The following UGGT2 variants were observed in gnomAD, a reference collection of about 807,000 sequenced individuals.
UGGT2 encodes UDP-glucose glycoprotein glucosyltransferase 2.
Under a neutral mutation model 192.1 loss-of-function variants are expected in UGGT2, and 180 were observed. The observed-to-expected ratio is 0.94, with a 90% CI of 0.83 to 1.06. The LOEUF (loss-of-function observed/expected upper bound fraction) is 1.06, where lower values mean the gene tolerates loss of function less well. Among genes scored for constraint, UGGT2 ranks in the 50% least tolerant of loss-of-function variants. The pLI, the probability that UGGT2 is intolerant of heterozygous loss-of-function variation, is 0.00. For synonymous variants in UGGT2, 580 were observed against 591.0 expected (o/e 0.98, Z 0.27); for missense variants, 1,849 against 1,795.7 (o/e 1.03, Z -0.54).
intron 1 of UGGT2, among the ~76,000 whole-genome samples, chr13:96,046,899 A>G (rs1437470711): frequency 6.6e-6 from 1 of 152,172 alleles, no homozygotes; most frequent in African/African-American, 2.4e-5. Context: ...ATCCAACCGC[A>G]AGGCAGCAGT....
intron 4 of UGGT2, among the ~76,000 whole-genome samples, chr13:96,022,137 G>C (rs904776514): frequency 3.3e-5 from 5 of 151,908 alleles, no homozygotes; most frequent in African/African-American, 1.2e-4. Context: ...GCAGAACAAA[G>C]AGCTATGAAA....
chr13:96,049,854 T>C (rs939943025), intron 1 of UGGT2, among the ~76,000 whole-genome samples: 1 of 152,158 alleles, frequency 6.6e-6, no homozygotes, highest in Non-Finnish European at 1.5e-5. Context: ...GGAAGAATAT[T>C]CCATGCTCAT....
chr13:96,039,412 G>C (rs1203265535), intron 1 of UGGT2, among the ~76,000 whole-genome samples: 1 of 152,050 alleles, frequency 6.6e-6, no homozygotes, highest in East Asian at 1.9e-4. Flanking sequence ...GATCCTTCCT[G>C]GATATCCCCA....
chr13:96,030,630 T>C (rs944671219), intron 2 of UGGT2, among the ~76,000 whole-genome samples: 5 of 152,182 alleles, frequency 3.3e-5, no homozygotes, highest in African/African-American at 1.2e-4. Flanking sequence ...ATCTTACATT[T>C]ACACTCAGGA....
intron 27 of UGGT2, 131 bp from the exon 28 acceptor site, chr13:95,877,987 C>T (rs756079022): frequency 3.1e-4 from 271 of 883,726 alleles, no homozygotes; most frequent in Non-Finnish European, 3.7e-4. Context: ...CTTTATTTTA[C>T]ACATGAGTGA....
At position 95,895,214 on chromosome 13, in the gene UGGT2, C is replaced by T; in HGVS notation, c.2725G>A (p.Gly909Ser). Residue 909 changes from glycine to serine, a missense_variant, in exon 23 of 39, where the codon GGC becomes AGC. Transcript: ENST00000376747. ...TTGATTCCCATATTTTCAACAATGC[C>T]TTTAATTTTCTCTCCTAAATTACTA... ...TFSNLGEKIK[G>S]IVENMGINAN... The T allele has an allele frequency of 6.3e-7, 1 of 1,584,746 alleles. No individual in the cohort carries two copies. The highest frequency in any genetic ancestry group is 1.2e-5 in the South Asian group (1 of 85,382).
chr13:95,919,245 C>T (rs1320936622), intron 20 of UGGT2, among the ~76,000 whole-genome samples: 1 of 152,086 alleles, frequency 6.6e-6, no homozygotes. Context: ...ATATGACAAA[C>T]TCACAGCCAA....
chr13:96,024,567 T>C (rs2052608951), intron 2 of UGGT2, among the ~76,000 whole-genome samples: 2 of 152,148 alleles, frequency 1.3e-5, no homozygotes, highest in South Asian at 4.1e-4. Flanking sequence ...AAAACTGTAA[T>C]GTCATTCCAG....
chr13:95,872,125 T>C (rs953302879), intron 29 of UGGT2, among the ~76,000 whole-genome samples: 3 of 152,244 alleles, frequency 2.0e-5, no homozygotes, highest in Non-Finnish European at 4.4e-5. Flanking sequence ...AAGTATCTAA[T>C]ATTCTCTACA....
chr13:96,050,815 TAAA>T (rs889191614), intron 1 of UGGT2, among the ~76,000 whole-genome samples: 1 of 152,210 alleles, frequency 6.6e-6, no homozygotes. Context: ...GGGCGATCAT[TAAA>T]AAGTCAGGAA....
intron 1 of UGGT2, among the ~76,000 whole-genome samples, chr13:96,049,180 T>C (rs9724392): frequency 6.6e-6 from 1 of 152,126 alleles, no homozygotes; most frequent in East Asian, 1.9e-4. Context: ...TTTCAACATA[T>C]GCAAATCAAT....
chr13:95,933,960 A>G (rs1033913321), intron 17 of UGGT2, among the ~76,000 whole-genome samples: 1 of 152,186 alleles, frequency 6.6e-6, no homozygotes, highest in African/African-American at 2.4e-5. Context: ...CTGGGATTAC[A>G]GGCGTGAGCC....
chr13:95,955,726 T>C (rs2050194119), intron 12 of UGGT2, among the ~76,000 whole-genome samples: 1 of 152,136 alleles, frequency 6.6e-6, no homozygotes, highest in South Asian at 2.1e-4. Flanking sequence ...TTTTCAGTTT[T>C]CAAAGCGCTC....
At chr13:95,895,372 T>C in intron 22 of UGGT2, 68 bp from the exon 23 acceptor site, 1 of 991,402 alleles carries the variant, frequency 1.0e-6, no homozygotes, top group Non-Finnish European at 1.4e-6. Context: ...AAACATTTCC[T>C]CATCAAATAG....
intron 12 of UGGT2, among the ~76,000 whole-genome samples, chr13:95,954,056 A>C (rs992229439): frequency 6.6e-6 from 1 of 152,220 alleles, no homozygotes; most frequent in African/African-American, 2.4e-5. Context: ...CAGTGCTCAC[A>C]TGATGCTCCA....
rs750381167 is a variant in UGGT2 at position 95,986,361 on chromosome 13, T to C, written c.1003A>G (p.Ile335Val). The C allele has an allele frequency of 3.1e-6, 5 of 1,602,486 alleles. No individual in the cohort carries two copies. The East Asian group carries it at 6.7e-5, about 22-fold the overall frequency. The change falls in exon 9 of 39, where the codon ATT becomes GTT. Residue 335 changes from isoleucine (I) to valine (V), a missense_variant. Physicochemically the swap from Ile to Val is conservative, Grantham distance 29 (BLOSUM62 3). Transcript: ENST00000376747. ...VYDSIKLMKD[I>V]SQNFPIKARS... ...GCTTTTATGGGGAAGTTCTGTGAAA[T>C]GTCTTTCATTAATTTAATGGAATCA...
At chr13:95,905,685 T>G (rs1316669484) in intron 20 of UGGT2, among the ~76,000 whole-genome samples, 1 of 152,172 alleles carries the variant, frequency 6.6e-6, no homozygotes, top group East Asian at 1.9e-4. Context: ...TACCATGCTG[T>G]TTTGGTTACT....
intron 5 of UGGT2, among the ~76,000 whole-genome samples, chr13:96,006,623 C>CAAAAAAA (rs61256349): frequency 2.4e-4 from 22 of 93,456 alleles, no homozygotes; most frequent in East Asian, 5.9e-4. Context: ...GATTCTGCCT[C>CAAAAAAA]AAAAAAAAAA....
intron 20 of UGGT2, among the ~76,000 whole-genome samples, chr13:95,924,881 C>T (rs961253703): frequency 2.0e-5 from 3 of 152,216 alleles, no homozygotes; most frequent in African/African-American, 4.8e-5. Context: ...GTGAAGCCTT[C>T]GGATCACTGC....
Sources: allele counts gnomAD v4.1 joint callset (sites outside exome capture counted in the v4.1 genomes callset), GRCh38; gene constraint gnomAD v4.1.1; transcripts MANE v1.5; gene names NCBI Gene and HGNC (gene_info 2026-07-23, HGNC 2026-07-21).